The following HOXC10 variants were observed in gnomAD, a reference collection of about 807,000 sequenced individuals.
HOXC10 encodes homeobox protein Hox-C10.
In HOXC10, 15 loss-of-function variants were observed where a neutral mutation model predicts 26.0. That is an observed-to-expected ratio of 0.58 (90% CI 0.39 to 0.89). HOXC10 has a LOEUF of 0.89. Ranked by LOEUF, HOXC10 falls within the 40% of genes least tolerant of loss-of-function variation. The pLI, the probability that HOXC10 is intolerant of heterozygous loss-of-function variation, is 0.00. For synonymous variants in HOXC10, 196 were observed against 185.5 expected (o/e 1.06, Z -0.46); for missense variants, 446 against 451.9 (o/e 0.99, Z 0.12).
At chr12:53,989,099 C>T (rs767191506) in intron 1 of HOXC10, 70 bp from the exon 2 acceptor site, 9 of 1,438,764 alleles carry the variant, frequency 6.3e-6, no homozygotes, top group Non-Finnish European at 7.5e-6. Flanking sequence ...AGCAGGCTGG[C>T]AAAGGCTGCA....
intron 1 of HOXC10, among the ~76,000 whole-genome samples, chr12:53,987,729 C>G (rs1186395466): frequency 6.6e-6 from 1 of 152,168 alleles, no homozygotes; most frequent in Admixed American, 6.5e-5. Flanking sequence ...CTTCTTTCCT[C>G]TCCTCCTGTT....
intron 1 of HOXC10, among the ~76,000 whole-genome samples, chr12:53,987,173 G>T (rs1024545340): frequency 6.6e-6 from 1 of 152,200 alleles, no homozygotes; most frequent in African/African-American, 2.4e-5. Flanking sequence ...GGCTGGGGGC[G>T]GCCTGGATCT....
In HOXC10 at chr12:53,985,184, C is replaced by T. The variant is rs560831761; in HGVS notation, c.-76C>T. 1.7e-4 allele frequency: 235 copies of T among 1,353,788 alleles called. No homozygotes were observed. Among genetic ancestry groups the T allele is most frequent in the Non-Finnish European group, 5.4e-5 (56 of 1,030,560 alleles). The allele number at this position is 1,353,788 out of a possible 1,614,324, so 83.9% of individuals were successfully genotyped here. A position where few individuals can be genotyped will look rare whatever the true frequency, so the allele number is the denominator to read the frequency against. ...CTCCCTCCCCTCCAACCGCGCCCCC[C>T]CTCCCGGATGGGGAAAAAAAAAGAT... is the stretch of plus-strand genomic sequence containing the variant. On this transcript the variant is annotated 5_prime_UTR_variant, in exon 1 of 2. Coordinates refer to ENST00000303460, the MANE Select transcript of HOXC10 (RefSeq NM_017409.4).
Position 53,986,030 on chromosome 12 carries a change from G to C in HOXC10, c.751+20G>C. 1 of 1,533,056 alleles carries C rather than the reference G, an allele frequency of 6.5e-7. No individual in the cohort carries two copies. The highest frequency in any genetic ancestry group is 8.8e-7 in the Non-Finnish European group (1 of 1,141,962). The allele number at this position is 1,533,056 out of a possible 1,614,324, so 95.0% of individuals were successfully genotyped here. Reference sequence around the variant, plus strand: ...CGAAAGGTAAGGCCGCCTGGGCCGCGGGCGCCACTGGGACGTTCCGGCACT... The same window carrying C: ...CGAAAGGTAAGGCCGCCTGGGCCGCCGGCGCCACTGGGACGTTCCGGCACT... On this transcript the variant is annotated intron_variant, in intron 1 of 1. Transcript: ENST00000303460.
At position 53,989,517 on chromosome 12, in the gene HOXC10, ATATTTTTTTTTCC is replaced by A; in HGVS notation, c.*73_*85del. On this transcript the variant is annotated 3_prime_UTR_variant, in exon 2 of 2. Coordinates refer to ENST00000303460, the MANE Select transcript of HOXC10 (RefSeq NM_017409.4). ...CCCTCCTCCCTTTGTGCCTGGTGAT[ATATTTTTTTTTCC>A]TCCCTGAGTATAAATGCAATGCGAC... is the stretch of plus-strand genomic sequence containing the variant. 1 of 1,459,668 alleles carries A rather than the reference ATATTTTTTTTTCC, an allele frequency of 6.9e-7. No homozygotes were observed. The highest frequency in any genetic ancestry group is 9.2e-7 in the Non-Finnish European group (1 of 1,089,466). 90.4% of individuals were successfully genotyped at this position (1,459,668 alleles called of 1,614,324 possible). A position where few individuals can be genotyped will look rare whatever the true frequency, so the allele number is the denominator to read the frequency against.
At chr12:53,988,252 A>T (rs1166074326) in intron 1 of HOXC10, among the ~76,000 whole-genome samples, 1 of 152,248 alleles carries the variant, frequency 6.6e-6, no homozygotes, top group Non-Finnish European at 1.5e-5. Context: ...GGAAATACAC[A>T]GTATTCTATA....
At chr12:53,989,067 T>C in intron 1 of HOXC10, 102 bp from the exon 2 acceptor site, 1 of 1,042,864 alleles carries the variant, frequency 9.6e-7, no homozygotes, top group East Asian at 2.6e-5. Flanking sequence ...GCAGCTCCCC[T>C]GTGCTCCCTC....
intron 1 of HOXC10, among the ~76,000 whole-genome samples, chr12:53,987,444 C>T (rs892520310): frequency 1.3e-5 from 2 of 152,146 alleles, no homozygotes; most frequent in Non-Finnish European, 2.9e-5. Flanking sequence ...AGTGAGGCGC[C>T]TACAGCCTCA....
At chr12:53,989,080 C>G in intron 1 of HOXC10, 89 bp from the exon 2 acceptor site, 1 of 1,255,540 alleles carries the variant, frequency 8.0e-7, no homozygotes, top group Middle Eastern at 2.2e-4. Flanking sequence ...GCTCCCTCAG[C>G]CACCCCACAG....
intron 1 of HOXC10, 110 bp downstream of exon 1, chr12:53,986,120 C>G (rs140660866): frequency 8.6e-7 from 1 of 1,163,734 alleles, no homozygotes; most frequent in Non-Finnish European, 1.2e-6. Flanking sequence ...CAGACCATTT[C>G]GGGAATGCGA....
Position 53,985,605 on chromosome 12 carries a change from G to A in HOXC10, c.346G>A (p.Ala116Thr). 6.2e-7 allele frequency: 1 copy of A among 1,613,880 alleles called. No individual in the cohort carries two copies. The highest frequency in any genetic ancestry group is 8.5e-7 in the Non-Finnish European group (1 of 1,180,030). The change falls in exon 1 of 2, where the codon GCA becomes ACA. Residue 116 changes from alanine to threonine, a missense_variant. Coordinates refer to ENST00000303460, the MANE Select transcript of HOXC10 (RefSeq NM_017409.4). ...KEENVCCMYS[A>T]EKRAKSGPEA... ...GGAGAATGTCTGCTGCATGTACAGCGCAGAGAAGCGGGCGAAAAGTGGCCC... is the reference window on the plus strand; with the variant it reads ...GGAGAATGTCTGCTGCATGTACAGCACAGAGAAGCGGGCGAAAAGTGGCCC...
chr12:53,985,177 C>CG lies in HOXC10; in HGVS notation c.-82dup. On this transcript the variant is annotated 5_prime_UTR_variant, in exon 1 of 2. Coordinates refer to ENST00000303460, the MANE Select transcript of HOXC10 (RefSeq NM_017409.4). ...CTTTTTCCTCCCTCCCCTCCAACCG[C>CG]GCCCCCCCTCCCGGATGGGGAAAAA... 1 of 1,083,648 alleles carries CG rather than the reference C, an allele frequency of 9.2e-7. No homozygotes were observed. Among genetic ancestry groups the CG allele is most frequent in the East Asian group, 4.2e-5 (1 of 23,572 alleles). The allele number at this position is 1,083,648 out of a possible 1,614,324, so 67.1% of individuals were successfully genotyped here. A position where few individuals can be genotyped will look rare whatever the true frequency, so the allele number is the denominator to read the frequency against.
chr12:53,985,249 T>A lies in HOXC10; in HGVS notation c.-11T>A, dbSNP rs1939410270. ...TGTAGTATTGCTCCTTAAAAACCCC[T>A]CTCTCTGAAAATGACATGCCCTCGC... On this transcript the variant is annotated 5_prime_UTR_variant, in exon 1 of 2. Coordinates refer to ENST00000303460, the MANE Select transcript of HOXC10 (RefSeq NM_017409.4). The A allele has an allele frequency of 2.0e-6, 3 of 1,491,730 alleles. No homozygotes were observed. The highest frequency in any genetic ancestry group is 2.3e-5 in the Admixed American group (1 of 43,260). 92.4% of individuals were successfully genotyped at this position (1,491,730 alleles called of 1,614,324 possible).
rs779689739 is a variant in HOXC10 at position 53,985,252 on chromosome 12, C to G, written c.-8C>G. Reference sequence around the variant, plus strand: ...AGTATTGCTCCTTAAAAACCCCTCTCTCTGAAAATGACATGCCCTCGCAAT... The same window carrying G: ...AGTATTGCTCCTTAAAAACCCCTCTGTCTGAAAATGACATGCCCTCGCAAT... On this transcript the variant is annotated 5_prime_UTR_variant, in exon 1 of 2. Coordinates refer to ENST00000303460, the MANE Select transcript of HOXC10 (RefSeq NM_017409.4). 4 of 1,526,916 alleles carry G rather than the reference C, an allele frequency of 2.6e-6. No homozygotes were observed. The South Asian group carries it at 5.2e-5, about 20-fold the overall frequency. The allele number at this position is 1,526,916 out of a possible 1,614,324, so 94.6% of individuals were successfully genotyped here.
Position 53,989,395 on chromosome 12 carries a change from G to T in HOXC10, c.978G>T (p.Met326Ile). The change falls in exon 2 of 2, where the codon ATG (methionine) becomes ATT (isoleucine). Residue 326 changes from methionine to isoleucine, a missense_variant. By Grantham distance (10) the Met-to-Ile change is conservative (BLOSUM62 1). Coordinates refer to ENST00000303460, the MANE Select transcript of HOXC10 (RefSeq NM_017409.4). Reference protein sequence around the residue: ...FQNRRMKLKKMNRENRIRELT... With the variant: ...FQNRRMKLKKINRENRIRELT... The stretch of plus-strand genomic sequence containing the variant: ...ATCGCAGAATGAAACTCAAGAAAAT[G>T]AACCGAGAGAATCGGATCCGGGAAC... 1.2e-6 allele frequency: 2 copies of T among 1,613,926 alleles called. No individual in the cohort carries two copies. The highest frequency in any genetic ancestry group is 1.7e-6 in the Non-Finnish European group (2 of 1,179,956).
Position 53,989,193 on chromosome 12 carries a change from C to T in HOXC10, c.776C>T (p.Thr259Ile). The part of the protein sequence containing the change: ...AKEEIKAENT[T>I]GNWLTAKSGR... ...GAGGAGATAAAGGCAGAAAACACCA[C>T]AGGAAATTGGCTGACAGCAAAGAGC... The change falls in exon 2 of 2, where the codon ACA becomes ATA. Residue 259 changes from threonine to isoleucine, a missense_variant. By Grantham distance (89) the Thr-to-Ile change is moderately conservative. Transcript: ENST00000303460. 1 of 1,607,884 alleles carries T rather than the reference C, an allele frequency of 6.2e-7. No individual in the cohort carries two copies. The highest frequency in any genetic ancestry group is 8.5e-7 in the Non-Finnish European group (1 of 1,178,008).
intron 1 of HOXC10, among the ~76,000 whole-genome samples, chr12:53,988,428 G>T (rs1939470237): frequency 6.6e-6 from 1 of 152,202 alleles, no homozygotes; most frequent in South Asian, 2.1e-4. Context: ...CTCAGGATAT[G>T]TCTCTCCCTT....
chr12:53,989,017 G>T, intron 1 of HOXC10, 152 bp from the exon 2 acceptor site: 1 of 593,592 alleles, frequency 1.7e-6, no homozygotes, highest in Non-Finnish European at 2.9e-6. Flanking sequence ...TAAGAACCTT[G>T]AGCCTAAGAG....
In HOXC10 at chr12:53,985,471, C is replaced by T. The variant is rs1241224138; in HGVS notation, c.212C>T (p.Ser71Phe). Reference sequence around the variant, plus strand: ...AGCCTCGCCCTCAACACCTATCCGTCCTACCTCTCGCAGCTGGACTCCTGG... The same window carrying T: ...AGCCTCGCCCTCAACACCTATCCGTTCTACCTCTCGCAGCTGGACTCCTGG... The part of the protein sequence containing the change: ...SPSLALNTYP[S>F]YLSQLDSWGD... Residue 71 changes from serine to phenylalanine, a missense_variant, in exon 1 of 2, where the codon TCC becomes TTC. Physicochemically the swap from Ser to Phe is radical, Grantham distance 155. Transcript: ENST00000303460. 1.2e-6 allele frequency: 2 copies of T among 1,613,318 alleles called. No homozygotes were observed. The highest frequency in any genetic ancestry group is 1.7e-6 in the Non-Finnish European group (2 of 1,179,768).
Sources: allele counts gnomAD v4.1 joint callset (sites outside exome capture counted in the v4.1 genomes callset), GRCh38; gene constraint gnomAD v4.1.1; transcripts MANE v1.5; gene names NCBI Gene and HGNC (gene_info 2026-07-23, HGNC 2026-07-21).